Variants in EXOC4 observed in about 807,000 individuals in gnomAD.
EXOC4 encodes exocyst complex component 4.
EXOC4 carries 71 observed loss-of-function variants against 107.2 expected under a neutral mutation model. The observed-to-expected ratio is 0.66, with a 90% confidence interval of 0.55 to 0.81. EXOC4 has a LOEUF of 0.81. Ranked by LOEUF, EXOC4 falls within the 30% of genes least tolerant of loss-of-function variation. EXOC4 has a pLI of 0.00. For missense variants in EXOC4, 1,108 were observed against 1,189.6 expected, an observed-to-expected ratio of 0.93 and a Z score of 1.01; for synonymous variants, 456 against 441.2, an observed-to-expected ratio of 1.03 and a Z score of -0.42.
intron 17 of EXOC4, among the ~76,000 whole-genome samples, chr7:134,015,269 G>A (rs556937888): frequency 2.1e-4 from 32 of 152,112 alleles, no homozygotes; most frequent in African/African-American, 2.7e-4. Flanking sequence ...GACATATTTC[G>A]TATTTACTTA....
chr7:133,474,608 T>C (rs1798964515), intron 7 of EXOC4, among the ~76,000 whole-genome samples: 1 of 152,110 alleles, frequency 6.6e-6, no homozygotes, highest in South Asian at 2.1e-4. Context: ...CCACTGTGCC[T>C]AGCTAGTAGT....
intron 10 of EXOC4, among the ~76,000 whole-genome samples, chr7:133,670,900 C>T (rs1252052483): frequency 6.6e-6 from 1 of 152,076 alleles, no homozygotes; most frequent in Non-Finnish European, 1.5e-5. Flanking sequence ...ATGTCAAATG[C>T]CTCAGGTGTG....
intron 10 of EXOC4, among the ~76,000 whole-genome samples, chr7:133,713,639 A>G (rs1309467751): frequency 1.3e-5 from 2 of 152,118 alleles, no homozygotes; most frequent in Non-Finnish European, 2.9e-5. Context: ...GTCAAGGGAG[A>G]GACCAGGTGG....
At chr7:133,681,248 A>C (rs911699646) in intron 10 of EXOC4, among the ~76,000 whole-genome samples, 3 of 152,138 alleles carry the variant, frequency 2.0e-5, no homozygotes, top group African/African-American at 7.2e-5. Context: ...CAAAGAATCA[A>C]TGGCTGTAAC....
intron 11 of EXOC4, among the ~76,000 whole-genome samples, chr7:133,833,520 C>A (rs2151240291): frequency 6.6e-6 from 1 of 152,196 alleles, no homozygotes; most frequent in South Asian, 2.1e-4. Flanking sequence ...GACCAGGTGG[C>A]CTTTTAGAGG....
chr7:133,542,706 G>T (rs1194765055), intron 9 of EXOC4, among the ~76,000 whole-genome samples: 1 of 151,982 alleles, frequency 6.6e-6, no homozygotes, highest in Non-Finnish European at 1.5e-5. Flanking sequence ...CATTTTGGGG[G>T]TATTGTCTTC....
chr7:133,651,363 G>GA (rs201419859), intron 10 of EXOC4, among the ~76,000 whole-genome samples: 5 of 120,706 alleles, frequency 4.1e-5, no homozygotes, highest in African/African-American at 8.1e-5. Context: ...AACAAAATAA[G>GA]AAAAAAAACA....
At chr7:134,059,613 A>G (rs1435367122) in intron 17 of EXOC4, among the ~76,000 whole-genome samples, 1 of 152,184 alleles carries the variant, frequency 6.6e-6, no homozygotes, top group Non-Finnish European at 1.5e-5. Flanking sequence ...GTCCTAAATA[A>G]TATACTTATC....
chr7:133,889,623 C>A (rs1337512720), intron 11 of EXOC4, among the ~76,000 whole-genome samples: 2 of 117,122 alleles, frequency 1.7e-5, no homozygotes, highest in Admixed American at 1.9e-4. Flanking sequence ...CTTCCTGTGT[C>A]CATGTGATCT....
intron 5 of EXOC4, among the ~76,000 whole-genome samples, chr7:133,346,934 A>G (rs1332087430): frequency 6.6e-6 from 1 of 152,176 alleles, no homozygotes; most frequent in African/African-American, 2.4e-5. Context: ...ATGAAGTAAA[A>G]TACTGAAGTA....
chr7:134,080,654 G>GTT, the EXOC4 span, among the ~76,000 whole-genome samples: 4 of 151,970 alleles, frequency 2.6e-5, no homozygotes, highest in African/African-American at 9.7e-5. Flanking sequence ...ATACTTAAAA[G>GTT]AACAATGGCC....
intron 13 of EXOC4, among the ~76,000 whole-genome samples, chr7:133,936,045 G>T (rs1005658903): frequency 6.6e-6 from 1 of 152,130 alleles, no homozygotes; most frequent in African/African-American, 2.4e-5. Flanking sequence ...TGAAGTCTGT[G>T]TCCCACCCTT....
At chr7:133,823,906 T>TA (rs1361672737) in intron 11 of EXOC4, among the ~76,000 whole-genome samples, 2 of 29,094 alleles carry the variant, frequency 6.9e-5, no homozygotes, top group East Asian at 1.7e-3. Flanking sequence ...TATATATATA[T>TA]ATATAAATAT....
intron 10 of EXOC4, among the ~76,000 whole-genome samples, chr7:133,644,422 T>A (rs1231653301): frequency 6.6e-6 from 1 of 152,228 alleles, no homozygotes; most frequent in Non-Finnish European, 1.5e-5. Flanking sequence ...CATGGTTAGA[T>A]CTGTTATAAC....
At chr7:133,397,412 G>T (rs1245879339) in intron 7 of EXOC4, among the ~76,000 whole-genome samples, 1 of 151,954 alleles carries the variant, frequency 6.6e-6, no homozygotes, top group African/African-American at 2.4e-5. Flanking sequence ...GGGATTACAG[G>T]TGTGAGCCAC....
chr7:133,796,548 A>G (rs1407214872), intron 10 of EXOC4, among the ~76,000 whole-genome samples: 1 of 152,150 alleles, frequency 6.6e-6, no homozygotes. Context: ...TCACAAGGTC[A>G]AGAGATCGAG....
At chr7:133,317,700 G>T (rs1329374624) in intron 5 of EXOC4, among the ~76,000 whole-genome samples, 2 of 149,356 alleles carry the variant, frequency 1.3e-5, no homozygotes, top group East Asian at 2.0e-4. Context: ...CTTTTTTTTT[G>T]AGACGGAGTC....
At chr7:133,854,465 G>A (rs1476723401) in intron 11 of EXOC4, among the ~76,000 whole-genome samples, 2 of 149,786 alleles carry the variant, frequency 1.3e-5, no homozygotes, top group African/African-American at 4.9e-5. Context: ...TTTTAATCCT[G>A]TGCTTCACAT....
chr7:133,626,902 G>C (rs909391982), intron 9 of EXOC4, among the ~76,000 whole-genome samples: 1 of 152,146 alleles, frequency 6.6e-6, no homozygotes, highest in Non-Finnish European at 1.5e-5. Context: ...TTGCTTACCT[G>C]TATTAGTTTT....
Sources: gnomAD v4.1 joint callset for allele counts (sites outside exome capture counted in the v4.1 genomes callset) on GRCh38, gnomAD v4.1.1 for gene constraint, MANE v1.5 for transcripts, NCBI Gene and HGNC (gene_info 2026-07-23, HGNC 2026-07-21) for gene names.